ZNF443: variants seen among roughly 807,000 people sequenced by gnomAD.
ZNF443 encodes zinc finger protein 443.
ZNF443 carries 3 observed loss-of-function variants against 12.0 expected under a neutral mutation model. The observed-to-expected ratio is 0.25, with a 90% CI of 0.11 to 0.64. ZNF443 has a LOEUF of 0.64. Among genes scored for constraint, ZNF443 ranks in the 30% least tolerant of loss-of-function variants. The probability of loss-of-function intolerance (pLI) is 0.84; values close to 1 mark genes in which losing one functional copy is unlikely to be tolerated. For synonymous variants in ZNF443, 225 were observed against 265.9 expected (o/e 0.85, Z 1.50); for missense variants, 770 against 808.8 (o/e 0.95, Z 0.58).
In ZNF443 at chr19:12,431,072, C is replaced by T. The variant is rs764236722; in HGVS notation, c.1100G>A (p.Cys367Tyr). ...ATCAAAGCCTTTCCCACATATCTTA[C>T]ATTTATGAGGTCCATTTCCAGTGTG... ...IRHTGNGPHK[C>Y]KICGKGFDCP... Residue 367 changes from cysteine to tyrosine, a missense_variant, in exon 4 of 4, where the codon TGT becomes TAT. Physicochemically the swap from Cys to Tyr is radical, Grantham distance 194 (BLOSUM62 -2). Coordinates refer to ENST00000301547, the MANE Select transcript of ZNF443 (RefSeq NM_005815.5). The T allele has an allele frequency of 6.2e-7, 1 of 1,614,062 alleles. No individual in the cohort carries two copies. Among genetic ancestry groups the T allele is most frequent in the East Asian group, 2.2e-5 (1 of 44,880 alleles).
chr19:12,439,778 C>G (rs1460039953), intron 1 of ZNF443, among the ~76,000 whole-genome samples: 1 of 152,092 alleles, frequency 6.6e-6, no homozygotes, highest in Non-Finnish European at 1.5e-5. Flanking sequence ...CAGGAATGAC[C>G]CACCGTGTTC....
chr19:12,435,100 C>T (rs1050637283), intron 1 of ZNF443, among the ~76,000 whole-genome samples: 1 of 151,970 alleles, frequency 6.6e-6, no homozygotes, highest in Non-Finnish European at 1.5e-5. Context: ...GCCTCAGCCT[C>T]GCAAGTAGCT....
At chr19:12,440,850 C>CCACA in intron 1 of ZNF443, 62 bp downstream of exon 1, 1 of 1,613,290 alleles carries the variant, frequency 6.2e-7, no homozygotes, top group Admixed American at 1.7e-5. Context: ...CAGCCACAGC[C>CCACA]GATTACGGCC....
Position 12,430,330 on chromosome 19 carries a change from G to C in ZNF443, c.1842C>G (p.Asn614Lys), listed in dbSNP as rs761095620. Reference sequence around the variant, plus strand: ...TCCCACATTCCTTACATTCATACGGGTTCTCTCCAGTATGAGTTTTTTCAT... The same window carrying C: ...TCCCACATTCCTTACATTCATACGGCTTCTCTCCAGTATGAGTTTTTTCAT... ...QGHEKTHTGE[N>K]PYECKECGKA... The change falls in exon 4 of 4, where the codon AAC (asparagine) becomes AAG (lysine). Residue 614 changes from asparagine to lysine, a missense_variant. Asn to Lys is a moderately conservative substitution (Grantham distance 94). This residue lies in a region of ZNF443 where 736 missense variants were observed against 689.4 expected (regional missense o/e 1.07). Transcript: ENST00000301547. The C allele has an allele frequency of 5.6e-6, 9 of 1,612,840 alleles. No homozygotes were observed. The highest frequency in any genetic ancestry group is 5.9e-6 in the Non-Finnish European group (7 of 1,179,652).
chr19:12,434,041 A>C (rs931461944), intron 1 of ZNF443, among the ~76,000 whole-genome samples: 1 of 152,192 alleles, frequency 6.6e-6, no homozygotes, highest in Non-Finnish European at 1.5e-5. Context: ...GAGACTCTGC[A>C]GAGTCCCCAT....
chr19:12,430,585 C>A lies in ZNF443; in HGVS notation c.1587G>T (p.Glu529Asp). The change falls in exon 4 of 4, where the codon GAG becomes GAT. Residue 529 changes from glutamate (E) to aspartate (D), a missense_variant. Coordinates refer to ENST00000301547, the MANE Select transcript of ZNF443 (RefSeq NM_005815.5). ...TACATGTTTTACACTCATAAGGTTTCTCTCCTGTGTGAGTCCTTTTATGTC... is the reference window on the plus strand; with the variant it reads ...TACATGTTTTACACTCATAAGGTTTATCTCCTGTGTGAGTCCTTTTATGTC... ...LSRHKRTHTGEKPYECKTCRK... is the reference protein window; with the variant it reads ...LSRHKRTHTGDKPYECKTCRK... 1.2e-6 allele frequency: 2 copies of A among 1,613,912 alleles called. No homozygotes were observed. Among genetic ancestry groups the A allele is most frequent in the Non-Finnish European group, 1.7e-6 (2 of 1,179,960 alleles).
Position 12,430,607 on chromosome 19 carries a change from T to A in ZNF443, c.1565A>T (p.His522Leu). ...AFSRFRYLSR[H>L]KRTHTGEKPY... ...TTTCTCTCCTGTGTGAGTCCTTTTATGTCGAGAAAGGTATCTGAAACGACT... is the reference window on the plus strand; with the variant it reads ...TTTCTCTCCTGTGTGAGTCCTTTTAAGTCGAGAAAGGTATCTGAAACGACT... The change falls in exon 4 of 4, where the codon CAT becomes CTT. Residue 522 changes from histidine to leucine, a missense_variant. By Grantham distance (99) the His-to-Leu change is moderately conservative. This residue lies in a region of ZNF443 where 736 missense variants were observed against 689.4 expected (regional missense o/e 1.07). Coordinates refer to ENST00000301547, the MANE Select transcript of ZNF443 (RefSeq NM_005815.5). 1 of 1,614,064 alleles carries A rather than the reference T, an allele frequency of 6.2e-7. No individual in the cohort carries two copies. Among genetic ancestry groups the A allele is most frequent in the East Asian group, 2.2e-5 (1 of 44,858 alleles).
chr19:12,431,459 C>A lies in ZNF443; in HGVS notation c.713G>T (p.Ser238Ile). The A allele has an allele frequency of 6.2e-7, 1 of 1,614,064 alleles. No individual in the cohort carries two copies. The highest frequency in any genetic ancestry group is 8.5e-7 in the Non-Finnish European group (1 of 1,179,976). The change falls in exon 4 of 4, where the codon AGT becomes ATT. Residue 238 changes from serine to isoleucine, a missense_variant. Transcript: ENST00000301547. ...TGTTCTTTCATGTCTTAGATAGGAA[C>A]TGTAAAAAGAAAAGGCTTTAGAACA... is the stretch of plus-strand genomic sequence containing the variant. Reference protein sequence around the residue: ...KQCSKAFSFYSSYLRHERTHT... With the variant: ...KQCSKAFSFYISYLRHERTHT...
rs749828521 is a variant in ZNF443, at chr19:12,431,048, T to C, written c.1124A>G (p.Asp375Gly). Residue 375 changes from aspartate (D) to glycine (G), a missense_variant, in exon 4 of 4, where the codon GAT becomes GGT. By Grantham distance (94) the Asp-to-Gly change is moderately conservative (BLOSUM62 -1). Transcript: ENST00000301547. Reference protein sequence around the residue: ...HKCKICGKGFDCPSSLQSHER... With the variant: ...HKCKICGKGFGCPSSLQSHER... Reference sequence around the variant, plus strand: ...ATGACTTTGCAGTGAACTAGGACAATCAAAGCCTTTCCCACATATCTTACA... The same window carrying C: ...ATGACTTTGCAGTGAACTAGGACAACCAAAGCCTTTCCCACATATCTTACA... The C allele has an allele frequency of 3.7e-6, 6 of 1,613,050 alleles. No individual in the cohort carries two copies. The Admixed American group carries it at 5.0e-5, about 13-fold the overall frequency.
intron 1 of ZNF443, among the ~76,000 whole-genome samples, chr19:12,434,300 T>A (rs1970287081): frequency 6.6e-6 from 1 of 152,214 alleles, no homozygotes; most frequent in African/African-American, 2.4e-5. Context: ...GCCCATCCTA[T>A]GTGATTATAC....
chr19:12,433,438 T>G (rs988749487), intron 1 of ZNF443, among the ~76,000 whole-genome samples: 2 of 152,230 alleles, frequency 1.3e-5, no homozygotes, highest in Admixed American at 1.3e-4. Flanking sequence ...GCGAACTAAG[T>G]GAGTGAATCA....
At position 12,429,916 on chromosome 19, in the gene ZNF443, G is replaced by A; in HGVS notation, c.*240C>T. ...TAATTGAGACTATACAAGAGGATGT[G>A]GGTAAGTTACATACAAACATGTCAT... On this transcript the variant is annotated 3_prime_UTR_variant, in exon 4 of 4. Coordinates refer to ENST00000301547, the MANE Select transcript of ZNF443 (RefSeq NM_005815.5). 1.5e-6 allele frequency: 1 copy of A among 646,958 alleles called. No homozygotes were observed. 40.1% of individuals were successfully genotyped at this position (646,958 alleles called of 1,614,324 possible). A position where few individuals can be genotyped will look rare whatever the true frequency, so the allele number is the denominator to read the frequency against.
chr19:12,437,172 T>A (rs62110703), intron 1 of ZNF443, among the ~76,000 whole-genome samples: 6,975 of 152,158 alleles, frequency 0.046, 163 homozygotes, highest in South Asian at 0.1. Context: ...GAGGATTGCT[T>A]AAGATCAAGA....
Position 12,431,121 on chromosome 19 carries a change from T to C in ZNF443, c.1051A>G (p.Ser351Gly). Residue 351 changes from serine (S) to glycine (G), a missense_variant, in exon 4 of 4, where the codon AGC (serine) becomes GGC (glycine). By Grantham distance (56) the Ser-to-Gly change is moderately conservative (BLOSUM62 0). Around this residue, in one of 3 missense-constraint regions of ZNF443, gnomAD observed 736 missense variants for 689.4 expected, o/e 1.07. Coordinates refer to ENST00000301547, the MANE Select transcript of ZNF443 (RefSeq NM_005815.5). Reference sequence around the variant, plus strand: ...TGCCTTATCATGTGTCTTTGAAAGCTTCCCAGATGATGAAACGCTTTCCCA... The same window carrying C: ...TGCCTTATCATGTGTCTTTGAAAGCCTCCCAGATGATGAAACGCTTTCCCA... Reference protein sequence around the residue: ...QCGKAFHHLGSFQRHMIRHTG... With the variant: ...QCGKAFHHLGGFQRHMIRHTG... 1.2e-6 allele frequency: 2 copies of C among 1,613,986 alleles called. No individual in the cohort carries two copies. Among genetic ancestry groups the C allele is most frequent in the Non-Finnish European group, 1.7e-6 (2 of 1,179,962 alleles).
At chr19:12,438,201 G>T (rs1380005574) in intron 1 of ZNF443, among the ~76,000 whole-genome samples, 2 of 152,114 alleles carry the variant, frequency 1.3e-5, no homozygotes, top group Non-Finnish European at 2.9e-5. Context: ...GCTTTACATG[G>T]ATATTTAAAA....
intron 1 of ZNF443, 33 bp downstream of exon 1, chr19:12,440,879 C>T (rs769777373): frequency 2.5e-6 from 4 of 1,613,990 alleles, no homozygotes; most frequent in Non-Finnish European, 3.4e-6. Context: ...CTAACCCCTC[C>T]CCCGCCTCGG....
chr19:12,432,892 T>A (rs1970271741), intron 2 of ZNF443, among the ~76,000 whole-genome samples, 179 bp downstream of exon 2: 1 of 146,350 alleles, frequency 6.8e-6, no homozygotes, highest in African/African-American at 2.5e-5. Flanking sequence ...GGCTAAGATG[T>A]GGACAAAAAG....
At chr19:12,435,512 C>T (rs1461087416) in intron 1 of ZNF443, among the ~76,000 whole-genome samples, 1 of 152,136 alleles carries the variant, frequency 6.6e-6, no homozygotes, top group East Asian at 1.9e-4. Context: ...TGAGAAAGCC[C>T]CATGCATGCA....
chr19:12,432,593 T>TATACATATATATATATGA (rs1292401022), intron 2 of ZNF443, among the ~76,000 whole-genome samples, 156 bp from the exon 3 acceptor site: 4 of 141,448 alleles, frequency 2.8e-5, no homozygotes, highest in African/African-American at 1.1e-4. Flanking sequence ...TCCATTTGTA[T>TATACATATATATATATGA]ATACATATAT....
Sources: allele counts gnomAD v4.1 joint callset (sites outside exome capture counted in the v4.1 genomes callset), GRCh38; gene constraint gnomAD v4.1.1; regional missense constraint gnomAD v4.1.1; transcripts MANE v1.5; gene names NCBI Gene and HGNC (gene_info 2026-07-23, HGNC 2026-07-21).